Variants in MGA observed in about 807,000 individuals in gnomAD.
MGA encodes MAX dimerization protein MGA.
In MGA, 40 loss-of-function variants were observed where a neutral mutation model predicts 261.1. That is an observed-to-expected ratio of 0.15 (90% CI 0.12 to 0.20). MGA has a LOEUF of 0.20. MGA is among the 10% of genes least tolerant of loss of function. The probability of loss-of-function intolerance (pLI) is 1.00; values close to 1 mark genes in which losing one functional copy is unlikely to be tolerated. For synonymous variants in MGA, 1,302 were observed against 1,290.6 expected, an observed-to-expected ratio of 1.01 and a Z score of -0.19; for missense variants, 3,397 against 3,630.5, an observed-to-expected ratio of 0.94 and a Z score of 1.65.
intron 2 of MGA, chr15:41,684,680 T>A (rs907686759): frequency 6.0e-5 from 11 of 183,220 alleles, no homozygotes; most frequent in African/African-American, 2.6e-4. Context: ...AGATAAAAAA[T>A]TTTTTTCTAC....
At position 41,749,310 on chromosome 15, in the gene MGA, C is replaced by T. The variant is rs763711961; in HGVS notation, c.5703C>T (p.Thr1901=). ...TTGTGTCTCAGGCTGGTACATTGAC[C>T]CTGAGGATTTCTCCTCCTGAACCAC... The change falls in exon 17 of 24, where the codon ACC becomes ACT. Residue 1901 remains threonine, a synonymous_variant. Transcript: ENST00000219905. 3.7e-6 allele frequency: 6 copies of T among 1,613,954 alleles called. No homozygotes were observed. The highest frequency in any genetic ancestry group is 5.1e-6 in the Non-Finnish European group (6 of 1,179,874).
chr15:41,623,557 C>A (rs2056362392), intron 1 of MGA, among the ~76,000 whole-genome samples: 1 of 151,784 alleles, frequency 6.6e-6, no homozygotes, highest in Non-Finnish European at 1.5e-5. Context: ...CTAGCCTGAC[C>A]AACATGGAAA....
chr15:41,750,101 A>G lies in MGA; in HGVS notation c.6494A>G (p.Asp2165Gly). Residue 2165 changes from aspartate to glycine, a missense_variant, in exon 17 of 24, where the codon GAC becomes GGC. This residue lies in a region of MGA where 1,410 missense variants were observed against 1,386.4 expected (regional missense o/e 1.02). Transcript: ENST00000219905. ...GAGGCCAAAGAGAAGGAATGTGGAG[A>G]CTCTCTGGAGAAAGACAGGGAAAGA... 1 of 1,613,224 alleles carries G rather than the reference A, an allele frequency of 6.2e-7. No individual in the cohort carries two copies. Among genetic ancestry groups the G allele is most frequent in the Non-Finnish European group, 8.5e-7 (1 of 1,179,702 alleles).
chr15:41,730,627 A>G (rs548734784), intron 11 of MGA, among the ~76,000 whole-genome samples: 1 of 152,244 alleles, frequency 6.6e-6, no homozygotes, highest in East Asian at 1.9e-4. Context: ...ATGCCCTTCT[A>G]TCTCAAATCA....
chr15:41,761,066 C>T (rs545661252), intron 20 of MGA, among the ~76,000 whole-genome samples: 32 of 152,288 alleles, frequency 2.1e-4, no homozygotes, highest in African/African-American at 6.7e-4. Flanking sequence ...CCACTGCACC[C>T]GGGCAAAAGT....
chr15:41,684,452 CTGTT>C (rs1246128302), intron 2 of MGA: 1 of 424,372 alleles, frequency 2.4e-6, no homozygotes, highest in Non-Finnish European at 4.7e-6. Flanking sequence ...TGAAACTTAA[CTGTT>C]TGTGAAATTT....
intron 13 of MGA, among the ~76,000 whole-genome samples, chr15:41,739,146 A>T (rs2061953282): frequency 6.6e-6 from 1 of 152,152 alleles, no homozygotes; most frequent in African/African-American, 2.4e-5. Context: ...AAAGAAAAGA[A>T]ATCAACCCCC....
At chr15:41,674,165 C>T (rs2058242886) in intron 2 of MGA, among the ~76,000 whole-genome samples, 1 of 151,940 alleles carries the variant, frequency 6.6e-6, no homozygotes, top group African/African-American at 2.4e-5. Flanking sequence ...TGCTGGATTA[C>T]AGGGGTGAGC....
chr15:41,656,005 A>G (rs1381888176), upstream of MGA, among the ~76,000 whole-genome samples: 1 of 152,180 alleles, frequency 6.6e-6, no homozygotes, highest in East Asian at 1.9e-4. Flanking sequence ...TATCCCAGGC[A>G]TTGTGATCAG....
At chr15:41,693,854 G>A (rs1013013230) in intron 2 of MGA, among the ~76,000 whole-genome samples, 1 of 152,142 alleles carries the variant, frequency 6.6e-6, no homozygotes, top group African/African-American at 2.4e-5. Context: ...ATTTTAGGAA[G>A]ATAAATTCAG....
At chr15:41,718,267 ATATATGTAGTG>A (rs2060745624) in intron 9 of MGA, 1 of 220,928 alleles carries the variant, frequency 4.5e-6, no homozygotes, top group African/African-American at 2.4e-5. Context: ...AGATATCTTG[ATATATGTAGTG>A]TATATGTAGT....
chr15:41,690,135 G>A (rs971420568), intron 2 of MGA, among the ~76,000 whole-genome samples: 47 of 152,044 alleles, frequency 3.1e-4, no homozygotes, highest in African/African-American at 1.1e-3. Flanking sequence ...ACAACCACCT[G>A]TCTCTGTCTC....
At chr15:41,664,242 T>C (rs7178936) in intron 1 of MGA, among the ~76,000 whole-genome samples, 2,007 of 152,326 alleles carry the variant, frequency 0.013, 51 homozygotes, top group African/African-American at 0.046. Context: ...AATAGGTTGA[T>C]ATGACTTCTC....
chr15:41,748,873 C>A lies in MGA; in HGVS notation c.5449C>A (p.Leu1817Ile). 1 of 1,613,994 alleles carries A rather than the reference C, an allele frequency of 6.2e-7. No homozygotes were observed. The highest frequency in any genetic ancestry group is 8.5e-7 in the Non-Finnish European group (1 of 1,179,892). ...TGTCCAGCTTCTACCTTTGCATCAG[C>A]TTCGAGGCTCTAATACCCAGCCCAA... The change falls in exon 16 of 24, where the codon CTT becomes ATT. Residue 1817 changes from leucine (L) to isoleucine (I), a missense_variant. Physicochemically the swap from Leu to Ile is conservative, Grantham distance 5. Transcript: ENST00000219905.
chr15:41,680,401 C>A (rs2151086090), intron 2 of MGA, among the ~76,000 whole-genome samples: 1 of 151,306 alleles, frequency 6.6e-6, no homozygotes, highest in South Asian at 2.1e-4. Context: ...GTTTTAACCC[C>A]CCCTGATGCA....
intron 9 of MGA, among the ~76,000 whole-genome samples, chr15:41,715,137 C>CTTTTTTTTTTT (rs766195852): frequency 2.4e-4 from 30 of 124,536 alleles, no homozygotes; most frequent in Non-Finnish European, 4.0e-4. Context: ...TGGTTTCTGT[C>CTTTTTTTTTTT]TTTTTTTTTT....
intron 15 of MGA, among the ~76,000 whole-genome samples, chr15:41,743,748 AT>A (rs1175164746): frequency 6.6e-6 from 1 of 152,232 alleles, no homozygotes; most frequent in Non-Finnish European, 1.5e-5. Context: ...AAAACCACTA[AT>A]GAATCAGCAC....
Position 41,711,821 on chromosome 15 carries a change from G to T in MGA, c.3084+472G>T, listed in dbSNP as rs1421391497. Among the ~76,000 whole-genome samples the T allele has an allele frequency of 2.0e-5, 3 of 151,918 alleles. No homozygotes were observed. In the East Asian group the frequency reaches 5.8e-4, roughly 29 times the overall value. On this transcript the variant is annotated intron_variant, in intron 8 of 23. Coordinates refer to ENST00000219905, the MANE Select transcript of MGA (RefSeq NM_001164273.2). ...AGCTATTCTCCTGCCTCAGCCTTTC[G>T]AGTAGCTGGGACTATAGGCACATAC...
chr15:41,657,380 G>C (rs2057228269), upstream of MGA, among the ~76,000 whole-genome samples: 1 of 125,052 alleles, frequency 8.0e-6, no homozygotes, highest in Non-Finnish European at 1.6e-5. Context: ...TTGAGATGGA[G>C]TCTTGCTCTG....
Sources: gnomAD v4.1 joint callset for allele counts (sites outside exome capture counted in the v4.1 genomes callset) on GRCh38, gnomAD v4.1.1 for gene constraint, gnomAD v4.1.1 regional missense constraint, MANE v1.5 for transcripts, NCBI Gene and HGNC (gene_info 2026-07-23, HGNC 2026-07-21) for gene names.